DENND4C: variants seen among roughly 807,000 people sequenced by gnomAD.
DENND4C encodes the protein DENN domain-containing protein 4C.
In DENND4C, 108 loss-of-function variants were observed where a neutral mutation model predicts 203.0. That is an observed-to-expected ratio of 0.53 (90% CI 0.46 to 0.62). The LOEUF (loss-of-function observed/expected upper bound fraction) is 0.62, where lower values mean the gene tolerates loss of function less well. Among genes scored for constraint, DENND4C ranks in the 20% least tolerant of loss-of-function variants. The pLI, the probability that DENND4C is intolerant of heterozygous loss-of-function variation, is 0.00. For missense variants in DENND4C, 2,481 were observed against 2,301.2 expected (o/e 1.08, Z -1.60); for synonymous variants, 871 against 792.4 (o/e 1.10, Z -1.67).
chr9:19,357,759 C>T, intron 27 of DENND4C: 1 of 455,162 alleles, frequency 2.2e-6, no homozygotes, highest in Non-Finnish European at 3.9e-6. Flanking sequence ...ATCTTCCCAC[C>T]CCTCACCAGA....
At chr9:19,300,133 C>CAT in intron 8 of DENND4C, 54 bp from the exon 9 acceptor site, 1 of 1,501,238 alleles carries the variant, frequency 6.7e-7, no homozygotes, top group Non-Finnish European at 9.0e-7. Context: ...CAAATCTTAA[C>CAT]ATATTTCAGC....
chr9:19,267,452 G>C (rs12235862), intron 1 of DENND4C, among the ~76,000 whole-genome samples: 1 of 152,012 alleles, frequency 6.6e-6, no homozygotes, highest in African/African-American at 2.4e-5. Context: ...CATTTGCCTG[G>C]AATATCTTTT....
At chr9:19,366,459 C>T (rs896590293) in intron 30 of DENND4C, among the ~76,000 whole-genome samples, 3 of 152,242 alleles carry the variant, frequency 2.0e-5, no homozygotes, top group South Asian at 4.2e-4. Context: ...AAAAAATTAG[C>T]CAGGCGTGGT....
chr9:19,278,900 G>T (rs775614355), intron 2 of DENND4C, among the ~76,000 whole-genome samples: 23 of 152,138 alleles, frequency 1.5e-4, no homozygotes, highest in Middle Eastern at 3.4e-3. Context: ...TTAAGGGAAG[G>T]GGAAGATAGT....
intron 15 of DENND4C, 44 bp from the exon 16 acceptor site, chr9:19,327,986 T>C: frequency 6.5e-7 from 1 of 1,535,010 alleles, no homozygotes; most frequent in Non-Finnish European, 8.8e-7. Context: ...TATGAAGAGT[T>C]GGTGTGTTTT....
In DENND4C at chr9:19,352,130, G is replaced by T. The variant is rs758203459; in HGVS notation, c.4553G>T (p.Gly1518Val). The change falls in exon 25 of 33, where the codon GGT becomes GTT. Residue 1518 changes from glycine to valine, a missense_variant. Around this residue, in one of 3 missense-constraint regions of DENND4C, gnomAD observed 2,289 missense variants for 2,113.3 expected, o/e 1.08. Transcript: ENST00000434457. Reference sequence around the variant, plus strand: ...CAAGACTTTGAAAAATCAGATCATGGTTCTTCTCAAAATACCAGCATGTCT... The same window carrying T: ...CAAGACTTTGAAAAATCAGATCATGTTTCTTCTCAAAATACCAGCATGTCT... ...KGQDFEKSDH[G>V]SSQNTSMSSI... is the part of the protein sequence containing the mutation. The T allele has an allele frequency of 6.2e-6, 10 of 1,613,840 alleles. No individual in the cohort carries two copies. Among genetic ancestry groups the T allele is most frequent in the South Asian group, 3.3e-5 (3 of 91,072 alleles).
chr9:19,252,887 C>A (rs1485330220), intron 1 of DENND4C, among the ~76,000 whole-genome samples: 2 of 152,134 alleles, frequency 1.3e-5, no homozygotes, highest in Non-Finnish European at 2.9e-5. Flanking sequence ...AGGCACGAGC[C>A]GCCACACCTG....
chr9:19,361,298 A>G (rs1826445189), intron 29 of DENND4C, among the ~76,000 whole-genome samples: 1 of 152,220 alleles, frequency 6.6e-6, no homozygotes, highest in African/African-American at 2.4e-5. Context: ...CTGTAAGGTG[A>G]CATACCTAAT....
chr9:19,351,107 A>G (rs551110459), intron 24 of DENND4C, among the ~76,000 whole-genome samples: 11 of 152,184 alleles, frequency 7.2e-5, no homozygotes, highest in Admixed American at 5.2e-4. Flanking sequence ...TCCCCGCTCA[A>G]TAAGCCCCAT....
chr9:19,330,202 AT>A (rs534386787), intron 16 of DENND4C, among the ~76,000 whole-genome samples: 3 of 150,506 alleles, frequency 2.0e-5, no homozygotes, highest in African/African-American at 2.4e-5. Context: ...TTATAGCAGA[AT>A]TTTTTTTTTC....
At position 19,372,051 on chromosome 9, in the gene DENND4C, G is replaced by T. The variant is rs149169717; in HGVS notation, c.5755G>T (p.Glu1919Ter). ...ENIDIEAFDN[E>*]YGIAYNSLSS... Reference sequence around the variant, plus strand: ...ATTTCTTTCAGAGGCATTTGACAATGAATATGGAATTGCATACAATAGTCT... The same window carrying T: ...ATTTCTTTCAGAGGCATTTGACAATTAATATGGAATTGCATACAATAGTCT... The change falls in exon 33 of 33, where the codon GAA becomes TAA. Residue 1919 changes from glutamate to a stop codon, truncating the protein, a stop_gained. Transcript: ENST00000434457. LOFTEE classifies it high-confidence loss of function. The T allele has an allele frequency of 5.3e-5, 85 of 1,604,340 alleles. No homozygotes were observed. The highest frequency in any genetic ancestry group is 8.7e-5 in the Admixed American group (5 of 57,224).
At chr9:19,306,473 A>T (rs1245331705) in intron 10 of DENND4C, among the ~76,000 whole-genome samples, 2 of 152,164 alleles carry the variant, frequency 1.3e-5, no homozygotes, top group East Asian at 3.8e-4. Flanking sequence ...AGTAATGAAC[A>T]ACTTGCATGA....
At chr9:19,336,227 A>G in intron 18 of DENND4C, 43 bp from the exon 19 acceptor site, 3 of 1,578,266 alleles carry the variant, frequency 1.9e-6, no homozygotes, top group Non-Finnish European at 2.6e-6. Context: ...TTAAAATCAG[A>G]TATTGCTAAT....
intron 12 of DENND4C, among the ~76,000 whole-genome samples, chr9:19,319,371 T>C (rs1842441932): frequency 7.4e-6 from 1 of 134,456 alleles, no homozygotes; most frequent in African/African-American, 3.4e-5. Context: ...CACACATATA[T>C]ATACACATAC....
At position 19,371,275 on chromosome 9, in the gene DENND4C, T is replaced by G. The variant is rs960540361; in HGVS notation, c.5676-481T>G. 7 of 153,266 alleles carry G rather than the reference T, an allele frequency of 4.6e-5. No individual in the cohort carries two copies. The Admixed American group carries it at 4.6e-4, about 10-fold the overall frequency. The allele number at this position is 153,266 out of a possible 1,614,324, so 9.5% of individuals were successfully genotyped here. A position where few individuals can be genotyped will look rare whatever the true frequency, so the allele number is the denominator to read the frequency against. On this transcript the variant is annotated intron_variant, in intron 31 of 32. Transcript: ENST00000434457. ...TGTCCTTTGCTATTGGGTTAAATAG[T>G]AAAGAGACCACACCACCTTTTACAT...
chr9:19,237,307 C>G (rs973217473), intron 1 of DENND4C, among the ~76,000 whole-genome samples: 1 of 152,178 alleles, frequency 6.6e-6, no homozygotes, highest in African/African-American at 2.4e-5. Flanking sequence ...GCGTGAGCCA[C>G]CACGCCCGGC....
intron 2 of DENND4C, among the ~76,000 whole-genome samples, chr9:19,286,390 C>G (rs12005158): frequency 6.6e-6 from 1 of 151,968 alleles, no homozygotes; most frequent in South Asian, 2.1e-4. Flanking sequence ...AATTATGAAG[C>G]GAATTTTTAT....
At chr9:19,236,726 C>T (rs1822056928) in intron 1 of DENND4C, among the ~76,000 whole-genome samples, 1 of 152,136 alleles carries the variant, frequency 6.6e-6, no homozygotes, top group South Asian at 2.1e-4. Context: ...TTACATAATA[C>T]AAACATTTCC....
At chr9:19,365,219 T>C (rs150501087) in intron 30 of DENND4C, among the ~76,000 whole-genome samples, 2 of 152,226 alleles carry the variant, frequency 1.3e-5, no homozygotes, top group African/African-American at 2.4e-5. Context: ...CAAAGTGGGA[T>C]TTATCTCAAG....
Sources: allele counts gnomAD v4.1 joint callset (sites outside exome capture counted in the v4.1 genomes callset), GRCh38; gene constraint gnomAD v4.1.1; regional missense constraint gnomAD v4.1.1; transcripts MANE v1.5; gene names NCBI Gene and HGNC (gene_info 2026-07-23, HGNC 2026-07-21).